MAP1LC3B2: variants seen among roughly 807,000 people sequenced by gnomAD.
MAP1LC3B2 encodes microtubule associated protein 1 light chain 3 beta 2, also known as microtubule-associated protein 1 light chain 3 beta 2.
For synonymous variants in MAP1LC3B2, 62 were observed against 57.8 expected, an observed-to-expected ratio of 1.07 and a Z score of -0.33; for missense variants, 155 against 154.6, an observed-to-expected ratio of 1.00 and a Z score of -0.01.
chr12:116,561,005 T>C (rs1257713006), intron 1 of MAP1LC3B2, among the ~76,000 whole-genome samples: 1 of 152,046 alleles, frequency 6.6e-6, no homozygotes, highest in Non-Finnish European at 1.5e-5. Flanking sequence ...TAGTCCCCGC[T>C]ACTTGGGAGG....
intron 1 of MAP1LC3B2, among the ~76,000 whole-genome samples, chr12:116,570,637 C>T (rs554405237): frequency 2.0e-5 from 3 of 152,306 alleles, no homozygotes; most frequent in African/African-American, 7.2e-5. Flanking sequence ...CTCTCATTCT[C>T]TCTTGCCTGC....
In MAP1LC3B2 at chr12:116,575,841, G is replaced by T; in HGVS notation, c.-101-1G>T. On this transcript the variant is annotated splice_acceptor_variant, in intron 1 of 1. Transcript: ENST00000556529. LOFTEE classifies it low-confidence loss of function (5UTR_SPLICE). ...GCTCTGTTGTTATTGTGCAAAAATA[G>T]CCTTACACGGCCACAGTCGGATTCG... The T allele has an allele frequency of 5.1e-6, 7 of 1,382,904 alleles. No individual in the cohort carries two copies. In the South Asian group the frequency reaches 8.3e-5, roughly 16 times the overall value. 85.7% of individuals were successfully genotyped at this position (1,382,904 alleles called of 1,614,324 possible).
intron 1 of MAP1LC3B2, among the ~76,000 whole-genome samples, chr12:116,565,937 G>A (rs77979945): frequency 0.022 from 3,279 of 152,308 alleles, 131 homozygotes; most frequent in African/African-American, 0.075. Flanking sequence ...ACTCAGAGCC[G>A]TGAGGTTTCT....
At position 116,575,901 on chromosome 12, in the gene MAP1LC3B2, GGAC is replaced by G; in HGVS notation, c.-41_-39del. The stretch of plus-strand genomic sequence containing the variant: ...CAGCCGCCACCCCCAGGAGCCGCCG[GGAC>G]CCTCGCGTCGTCGCCGCCGCGGCCC... On this transcript the variant is annotated 5_prime_UTR_variant, in exon 2 of 2. Coordinates refer to ENST00000556529, the MANE Select transcript of MAP1LC3B2 (RefSeq NM_001085481.3). 6.2e-7 allele frequency: 1 copy of G among 1,612,856 alleles called. No homozygotes were observed. Among genetic ancestry groups the G allele is most frequent in the Admixed American group, 1.7e-5 (1 of 59,962 alleles).
chr12:116,570,920 G>A (rs1869512770), intron 1 of MAP1LC3B2, among the ~76,000 whole-genome samples: 1 of 152,204 alleles, frequency 6.6e-6, no homozygotes, highest in South Asian at 2.1e-4. Flanking sequence ...GTTTGTGTGA[G>A]TAACAAGGTA....
At chr12:116,572,768 G>A (rs1869570414) in intron 1 of MAP1LC3B2, among the ~76,000 whole-genome samples, 1 of 152,192 alleles carries the variant, frequency 6.6e-6, no homozygotes, top group African/African-American at 2.4e-5. Context: ...ACTGGAAATC[G>A]GTGATTAAGT....
At chr12:116,575,803 C>A (rs1025958151) in intron 1 of MAP1LC3B2, 39 bp from the exon 2 acceptor site, 4 of 913,622 alleles carry the variant, frequency 4.4e-6, no homozygotes, top group Admixed American at 2.5e-5. Context: ...ACAGTTTCTG[C>A]CACAACTACT....
chr12:116,560,471 T>C (rs1869243131), intron 1 of MAP1LC3B2, among the ~76,000 whole-genome samples: 3 of 151,974 alleles, frequency 2.0e-5, no homozygotes, highest in Admixed American at 2.0e-4. Context: ...GGTCTCGAAC[T>C]CCTGACCTCA....
At chr12:116,568,868 CT>C (rs35884310) in intron 1 of MAP1LC3B2, among the ~76,000 whole-genome samples, 80 of 139,704 alleles carry the variant, frequency 5.7e-4, no homozygotes, top group East Asian at 6.3e-4. Flanking sequence ...TCTTTTCTTT[CT>C]TTTTTTTTTT....
chr12:116,571,182 A>G (rs140702236), intron 1 of MAP1LC3B2, among the ~76,000 whole-genome samples: 1 of 152,294 alleles, frequency 6.6e-6, no homozygotes, highest in Non-Finnish European at 1.5e-5. Flanking sequence ...ATGGAATAAC[A>G]ATCTTGGAAA....
At position 116,563,210 on chromosome 12, in the gene MAP1LC3B2, C is replaced by T. The variant is rs539500193; in HGVS notation, c.-102+3777C>T. Among the ~76,000 whole-genome samples, 34 of 152,260 alleles carry T rather than the reference C, an allele frequency of 2.2e-4. 1 individual carries two copies. In the South Asian group the frequency reaches 5.8e-3, roughly 26 times the overall value. ...CTAACCTCAGGTGATCTGCCCACCT[C>T]GGCCTCCCAAAGTGCTGGGATTACA... On this transcript the variant is annotated intron_variant, in intron 1 of 1. Transcript: ENST00000556529.
chr12:116,559,994 A>G (rs1334950312), intron 1 of MAP1LC3B2: 1 of 151,620 alleles, frequency 6.6e-6, no homozygotes, highest in East Asian at 1.9e-4. Flanking sequence ...GCTGAGCATC[A>G]TGCACCTTCC....
rs376987850 is a variant in MAP1LC3B2, at chr12:116,575,990, A to C, written c.48A>C (p.Arg16Ser). 3 of 1,614,098 alleles carry C rather than the reference A, an allele frequency of 1.9e-6. No homozygotes were observed. In the African/African-American group the frequency reaches 4.0e-5, roughly 22 times the overall value. Residue 16 changes from arginine to serine, a missense_variant, in exon 2 of 2, where the codon AGA (arginine) becomes AGC (serine). Arg to Ser is a moderately radical substitution (Grantham distance 110). Transcript: ENST00000556529. ...AGCAGCGGCGCACCTTCGAACAAAG[A>C]GTAGAAGATGTCCGACTTATTCGAG... The part of the protein sequence containing the change: ...TFKQRRTFEQ[R>S]VEDVRLIREQ...
chr12:116,569,191 C>G (rs886313031), intron 1 of MAP1LC3B2, among the ~76,000 whole-genome samples: 1 of 152,066 alleles, frequency 6.6e-6, no homozygotes, highest in African/African-American at 2.4e-5. Context: ...TTTCTTTTCT[C>G]TAGAAATTAC....
At chr12:116,568,541 A>G (rs1412589356) in intron 1 of MAP1LC3B2, among the ~76,000 whole-genome samples, 2 of 152,190 alleles carry the variant, frequency 1.3e-5, no homozygotes, top group Admixed American at 6.5e-5. Context: ...CACCTGAAGG[A>G]TTACTGCATG....
At chr12:116,569,480 C>G (rs1030692709) in intron 1 of MAP1LC3B2, among the ~76,000 whole-genome samples, 1 of 152,204 alleles carries the variant, frequency 6.6e-6, no homozygotes. Flanking sequence ...TACTTAACAT[C>G]TGTTTCATTG....
chr12:116,572,667 G>T (rs1204000175), intron 1 of MAP1LC3B2, among the ~76,000 whole-genome samples: 3 of 152,218 alleles, frequency 2.0e-5, no homozygotes, highest in African/African-American at 7.2e-5. Context: ...CCCAGCCAAG[G>T]CATGCCTCAG....
At position 116,575,868 on chromosome 12, in the gene MAP1LC3B2, T is replaced by C. The variant is rs2136965299; in HGVS notation, c.-75T>C. ...CTTACACGGCCACAGTCGGATTCGC[T>C]GCCGCAGCAGCCGCCACCCCCAGGA... On this transcript the variant is annotated 5_prime_UTR_variant, in exon 2 of 2. Transcript: ENST00000556529. 6.3e-7 allele frequency: 1 copy of C among 1,584,366 alleles called. No homozygotes were observed. The highest frequency in any genetic ancestry group is 8.6e-7 in the Non-Finnish European group (1 of 1,156,334).
At chr12:116,570,946 T>C (rs1455916057) in intron 1 of MAP1LC3B2, among the ~76,000 whole-genome samples, 1 of 152,210 alleles carries the variant, frequency 6.6e-6, no homozygotes, top group Non-Finnish European at 1.5e-5. Context: ...GAAATGTTCT[T>C]CTATCGGTTG....
Sources: allele counts gnomAD v4.1 joint callset (sites outside exome capture counted in the v4.1 genomes callset), GRCh38; gene constraint gnomAD v4.1.1; transcripts MANE v1.5; gene names NCBI Gene and HGNC (gene_info 2026-07-23, HGNC 2026-07-21).